CDH15: variants seen among roughly 807,000 people sequenced by gnomAD.
The protein encoded by CDH15 is cadherin 15, also known as cadherin-15.
Under a neutral mutation model 69.4 loss-of-function variants are expected in CDH15, and 73 were observed. That is an observed-to-expected ratio of 1.05 (90% confidence interval 0.87 to 1.28). CDH15 has a LOEUF of 1.28. CDH15 is among the 50% of genes most tolerant of loss of function. The pLI is 0.00. For synonymous variants in CDH15, 624 were observed against 507.7 expected (o/e 1.23, Z -3.08); for missense variants, 1,343 against 1,133.6 (o/e 1.18, Z -2.65).
In CDH15 at chr16:89,180,333, G is replaced by T. The variant is rs149088017; in HGVS notation, c.335G>T (p.Arg112Leu). ...GTCTTCCTCAATGCCATGCTGGACCGCGAGAAGACTGATCGCTTCAGGGTG... is the reference window on the plus strand; with the variant it reads ...GTCTTCCTCAATGCCATGCTGGACCTCGAGAAGACTGATCGCTTCAGGGTG... ...GKVFLNAMLDREKTDRFRLRA... is the reference protein window; with the variant it reads ...GKVFLNAMLDLEKTDRFRLRA... The change falls in exon 3 of 14, where the codon CGC becomes CTC. Residue 112 changes from arginine (R) to leucine (L), a missense_variant. Physicochemically the swap from Arg to Leu is moderately radical, Grantham distance 102 (BLOSUM62 -2). Transcript: ENST00000289746. The T allele has an allele frequency of 1.9e-6, 3 of 1,612,530 alleles. No individual in the cohort carries two copies. Among genetic ancestry groups the T allele is most frequent in the Non-Finnish European group, 2.5e-6 (3 of 1,179,596 alleles).
At chr16:89,194,797 G>A in intron 13 of CDH15, 65 bp from the exon 14 acceptor site, 2 of 1,505,138 alleles carry the variant, frequency 1.3e-6, no homozygotes, top group East Asian at 2.4e-5. Context: ...CCTGGGCTGT[G>A]GCCACGGCGG....
chr16:89,191,924 C>G (rs1270652668), intron 10 of CDH15, 30 bp downstream of exon 10: 3 of 1,522,398 alleles, frequency 2.0e-6, no homozygotes, highest in African/African-American at 2.7e-5. Flanking sequence ...GCGCTCCCCC[C>G]ATCCCCACGC....
chr16:89,179,021 G>T (rs564562576), intron 1 of CDH15, among the ~76,000 whole-genome samples: 3 of 152,302 alleles, frequency 2.0e-5, no homozygotes, highest in African/African-American at 4.8e-5. Context: ...TGTCCCCGCC[G>T]GGTGAATCTC....
Position 89,188,203 on chromosome 16 carries a change from C to A in CDH15, c.896C>A (p.Thr299Asn), listed in dbSNP as rs768976296. 1.2e-6 allele frequency: 2 copies of A among 1,613,318 alleles called. No individual in the cohort carries two copies. Among genetic ancestry groups the A allele is most frequent in the Non-Finnish European group, 8.5e-7 (1 of 1,179,864 alleles). ...TCCCCAAACTGGGTGGCCAGGTTCA[C>A]CATCCTGGAAGGCGACCCCGATGGG... ...PGSPNWVARF[T>N]ILEGDPDGQF... Residue 299 changes from threonine (T) to asparagine (N), a missense_variant, in exon 7 of 14, where the codon ACC becomes AAC. By Grantham distance (65) the Thr-to-Asn change is moderately conservative (BLOSUM62 0). Transcript: ENST00000289746.
intron 3 of CDH15, among the ~76,000 whole-genome samples, chr16:89,180,987 T>TTTTTTTTTTTTTTTTTTTTTTTTTG (rs1567771866): frequency 6.7e-6 from 1 of 149,784 alleles, no homozygotes; most frequent in African/African-American, 2.5e-5. Context: ...TTTTTTTTTT[T>TTTTTTTTTTTTTTTTTTTTTTTTTG]GAGATGGAGC....
chr16:89,178,939 C>T lies in CDH15; in HGVS notation c.43-477C>T, dbSNP rs367551396. On this transcript the variant is annotated intron_variant, in intron 1 of 13. Coordinates refer to ENST00000289746, the MANE Select transcript of CDH15 (RefSeq NM_004933.3). The stretch of plus-strand genomic sequence containing the variant: ...GGGGTCATTCCGTGTCAGGACCCCA[C>T]GCTCTCCCCAGCCCTGGCTGGCCCA... Among the ~76,000 whole-genome samples, 5 of 152,222 alleles carry T rather than the reference C, an allele frequency of 3.3e-5. No homozygotes were observed. In the East Asian group the frequency reaches 7.7e-4, roughly 23 times the overall value.
intron 1 of CDH15, among the ~76,000 whole-genome samples, chr16:89,176,004 C>T (rs1361457136): frequency 6.6e-6 from 1 of 152,232 alleles, no homozygotes; most frequent in African/African-American, 2.4e-5. Context: ...ACAGTCAGAG[C>T]GAGAGGCCCC....
intron 7 of CDH15, among the ~76,000 whole-genome samples, chr16:89,189,926 C>G (rs911150297): frequency 6.6e-6 from 1 of 152,320 alleles, no homozygotes; most frequent in South Asian, 2.1e-4. Flanking sequence ...CCCACATCAC[C>G]CAGGACGATC....
At chr16:89,185,395 C>G (rs1203144993) in intron 5 of CDH15, 62 bp downstream of exon 5, 16 of 1,517,562 alleles carry the variant, frequency 1.1e-5, no homozygotes, top group African/African-American at 2.7e-5. Context: ...TCCTGCGGGT[C>G]CCTCTGCCCC....
chr16:89,194,993 G>A lies in CDH15; in HGVS notation c.2283G>A (p.Gln761=), dbSNP rs752130494. The part of the protein sequence containing the change: ...SILSSQGDED[Q]DYDYLRDWGP... ...TGTCCAGCCAGGGCGATGAGGACCAGGACTACGACTACCTCAGAGACTGGG... is the reference window on the plus strand; with the variant it reads ...TGTCCAGCCAGGGCGATGAGGACCAAGACTACGACTACCTCAGAGACTGGG... Residue 761 remains glutamine, a synonymous_variant, in exon 14 of 14, where the codon CAG becomes CAA. Transcript: ENST00000289746. 35 of 1,611,816 alleles carry A rather than the reference G, an allele frequency of 2.2e-5. No individual in the cohort carries two copies. In the Admixed American group the frequency reaches 4.0e-4, roughly 18 times the overall value.
At position 89,187,500 on chromosome 16, in the gene CDH15, A is replaced by G. The variant is rs1567774345; in HGVS notation, c.735A>G (p.Ser245=). 6.2e-7 allele frequency: 1 copy of G among 1,613,732 alleles called. No individual in the cohort carries two copies. The highest frequency in any genetic ancestry group is 2.2e-5 in the East Asian group (1 of 44,894). Residue 245 remains serine (S), a synonymous_variant, in exon 6 of 14, where the codon TCA becomes TCG. Transcript: ENST00000289746. ...GAGACGGCCTCACAGCCACTGCCTC[A>G]GCCATCATCACCCTTGATGACATCA... ...MSGDGLTATA[S]AIITLDDIND... is the part of the protein sequence containing the mutation.
chr16:89,178,182 G>T (rs1915298033), intron 1 of CDH15, among the ~76,000 whole-genome samples: 1 of 152,176 alleles, frequency 6.6e-6, no homozygotes, highest in South Asian at 2.1e-4. Flanking sequence ...CACAAAAGTT[G>T]CTGACCGTCA....
chr16:89,179,363 C>A, intron 1 of CDH15, 53 bp from the exon 2 acceptor site: 3 of 1,605,452 alleles, frequency 1.9e-6, no homozygotes, highest in Non-Finnish European at 2.6e-6. Context: ...CTGCACGCTG[C>A]CGCCCAGGGC....
At position 89,190,445 on chromosome 16, in the gene CDH15, T is replaced by G. The variant is rs766932913; in HGVS notation, c.1181T>G (p.Val394Gly). 1.2e-6 allele frequency: 2 copies of G among 1,607,134 alleles called. No homozygotes were observed. Among genetic ancestry groups the G allele is most frequent in the South Asian group, 2.2e-5 (2 of 89,696 alleles). Residue 394 changes from valine to glycine, a missense_variant, in exon 8 of 14, where the codon GTG becomes GGG. Physicochemically the swap from Val to Gly is moderately radical, Grantham distance 109. Coordinates refer to ENST00000289746, the MANE Select transcript of CDH15 (RefSeq NM_004933.3). ...GAGGGGGCACCCCCAGGCACTCTGG[T>G]GGCCACCTTCTCTGCCCGGGACCCT... ...LAEGAPPGTL[V>G]ATFSARDPDT...
chr16:89,193,533 T>A lies in CDH15; in HGVS notation c.1919T>A (p.Leu640Gln), dbSNP rs1412406349. ...FWKQSRGKGLLHGPQDDLRDN... is the reference protein window; with the variant it reads ...FWKQSRGKGLQHGPQDDLRDN... ...AAGCAGTCTCGGGGCAAGGGGCTGC[T>A]GCACGGCCCCCAGGACGACCTTCGA... The change falls in exon 12 of 14, where the codon CTG becomes CAG. Residue 640 changes from leucine to glutamine, a missense_variant. Coordinates refer to ENST00000289746, the MANE Select transcript of CDH15 (RefSeq NM_004933.3). 6.2e-7 allele frequency: 1 copy of A among 1,611,992 alleles called. No homozygotes were observed. Among genetic ancestry groups the A allele is most frequent in the Non-Finnish European group, 8.5e-7 (1 of 1,179,694 alleles).
chr16:89,175,756 CAG>C (rs1278042451), intron 1 of CDH15, among the ~76,000 whole-genome samples: 2 of 152,208 alleles, frequency 1.3e-5, no homozygotes, highest in African/African-American at 2.4e-5. Context: ...TGTCAGCTGG[CAG>C]AGAGCTTCCC....
Position 89,192,265 on chromosome 16 carries a change from T to C in CDH15, c.1676T>C (p.Leu559Pro), listed in dbSNP as rs758268913. 1 of 1,530,810 alleles carries C rather than the reference T, an allele frequency of 6.5e-7. No individual in the cohort carries two copies. The highest frequency in any genetic ancestry group is 2.5e-5 in the East Asian group (1 of 40,636). The allele number at this position is 1,530,810 out of a possible 1,614,324, so 94.8% of individuals were successfully genotyped here. Residue 559 changes from leucine to proline, a missense_variant, in exon 11 of 14, where the codon CTG (leucine) becomes CCG (proline). Leu to Pro is a moderately conservative substitution (Grantham distance 98). Coordinates refer to ENST00000289746, the MANE Select transcript of CDH15 (RefSeq NM_004933.3). ...QVPEGLHRLS[L>P]LLRDSGQPPQ... ...CCCGAAGGCCTGCACCGCCTCAGCC[T>C]GCTGCTCCGGGACTCGGGGCAGCCG...
chr16:89,184,119 G>T (rs1454474683), intron 4 of CDH15, among the ~76,000 whole-genome samples: 1 of 152,162 alleles, frequency 6.6e-6, no homozygotes, highest in East Asian at 1.9e-4. Context: ...GGGGCCGGTG[G>T]TAAAGACCTG....
At chr16:89,175,269 G>A (rs1297134014) in intron 1 of CDH15, among the ~76,000 whole-genome samples, 2 of 152,204 alleles carry the variant, frequency 1.3e-5, no homozygotes, top group Non-Finnish European at 2.9e-5. Context: ...GGCAGGGAGG[G>A]GATGGAAACG....
Sources: gnomAD v4.1 joint callset for allele counts (sites outside exome capture counted in the v4.1 genomes callset) on GRCh38, gnomAD v4.1.1 for gene constraint, MANE v1.5 for transcripts, NCBI Gene and HGNC (gene_info 2026-07-23, HGNC 2026-07-21) for gene names.